GREM2: variants seen among roughly 807,000 people sequenced by gnomAD.
GREM2 encodes gremlin-2.
In GREM2, 11 loss-of-function variants were observed where a neutral mutation model predicts 14.2. That is an observed-to-expected ratio of 0.78 (90% CI 0.49 to 1.28). The LOEUF is 1.28. Ranked by LOEUF, GREM2 falls within the 50% of genes most tolerant of loss-of-function variation. The probability of loss-of-function intolerance (pLI) is 0.00; values close to 1 mark genes in which losing one functional copy is unlikely to be tolerated. For missense variants in GREM2, 210 were observed against 218.5 expected (o/e 0.96, Z 0.24); for synonymous variants, 98 against 97.6 (o/e 1.00, Z -0.02).
chr1:240,546,202 G>C (rs1678712545), intron 1 of GREM2, among the ~76,000 whole-genome samples: 1 of 152,078 alleles, frequency 6.6e-6, no homozygotes, highest in Admixed American at 6.6e-5. Context: ...AGCCAGGCAT[G>C]GTGGCACATG....
chr1:240,592,490 T>C (rs915640682), intron 1 of GREM2, among the ~76,000 whole-genome samples: 6 of 152,208 alleles, frequency 3.9e-5, no homozygotes, highest in African/African-American at 1.2e-4. Context: ...CTCCAACATT[T>C]GATATCCTCT....
intron 1 of GREM2, among the ~76,000 whole-genome samples, chr1:240,547,428 AG>A (rs1191129365): frequency 1.3e-5 from 2 of 148,404 alleles, no homozygotes; most frequent in African/African-American, 5.0e-5. Context: ...TGAACCCGGG[AG>A]GTGGAGGTTG....
chr1:240,608,361 A>G (rs575016678), intron 1 of GREM2, among the ~76,000 whole-genome samples: 1 of 152,348 alleles, frequency 6.6e-6, no homozygotes, highest in South Asian at 2.1e-4. Context: ...GAGCTGCTGG[A>G]TTTTTATTAA....
At chr1:240,562,970 A>ATG (rs1263317226) in intron 1 of GREM2, among the ~76,000 whole-genome samples, 1 of 95,336 alleles carries the variant, frequency 1.0e-5, no homozygotes, top group South Asian at 3.3e-4. Context: ...GAGTGTGTGT[A>ATG]TGTGTGTATA....
intron 1 of GREM2, among the ~76,000 whole-genome samples, chr1:240,598,590 G>A (rs1679863691): frequency 6.6e-6 from 1 of 152,210 alleles, no homozygotes; most frequent in African/African-American, 2.4e-5. Flanking sequence ...ATAGAGCTCA[G>A]GAGTTTTGCT....
intron 1 of GREM2, among the ~76,000 whole-genome samples, chr1:240,572,496 T>C (rs1679279341): frequency 6.6e-6 from 1 of 152,200 alleles, no homozygotes; most frequent in Admixed American, 6.5e-5. Context: ...TACGAAGTCT[T>C]CCCCATCTGC....
At chr1:240,547,512 A>T (rs867801207) in intron 1 of GREM2, among the ~76,000 whole-genome samples, 86 of 99,896 alleles carry the variant, frequency 8.6e-4, no homozygotes, top group African/African-American at 4.3e-3. Context: ...AAAAAAAAAA[A>T]AAATATATAT....
intron 1 of GREM2, among the ~76,000 whole-genome samples, chr1:240,518,459 T>A (rs558390050): frequency 5.1e-4 from 78 of 152,336 alleles, no homozygotes; most frequent in Non-Finnish European, 1.0e-3. Flanking sequence ...ATAAATGTAC[T>A]TGCTTTTTCT....
Position 240,493,162 on chromosome 1 carries a change from T to C in GREM2, c.314A>G (p.Tyr105Cys). 1.9e-6 allele frequency: 3 copies of C among 1,614,130 alleles called. No individual in the cohort carries two copies. Among genetic ancestry groups the C allele is most frequent in the Non-Finnish European group, 2.5e-6 (3 of 1,180,018 alleles). The change falls in exon 2 of 2, where the codon TAC (tyrosine) becomes TGC (cysteine). Residue 105 changes from tyrosine to cysteine, a missense_variant. Physicochemically the swap from Tyr to Cys is radical, Grantham distance 194. Transcript: ENST00000318160. ...CTCCTTCTTCACGTGCCGCGGGATG[T>C]AGAAGGAGTTGCACTGGCCGTAGCA... The part of the protein sequence containing the change: ...RFCYGQCNSF[Y>C]IPRHVKKEEE...
rs561923874 is a variant in GREM2 at position 240,569,957 on chromosome 1, G to T, written c.-2+41927C>A. ...TGCATTAGAAACTTATGTTGATTCT[G>T]TATTGGGCTGTTGTTTGCCTCCTGC... On this transcript the variant is annotated intron_variant, in intron 1 of 1. Coordinates refer to ENST00000318160, the MANE Select transcript of GREM2 (RefSeq NM_022469.4). Among the ~76,000 whole-genome samples the T allele has an allele frequency of 5.9e-5, 9 of 152,202 alleles. No individual in the cohort carries two copies. In the East Asian group the frequency reaches 1.7e-3, roughly 29 times the overall value.
At chr1:240,602,350 T>C (rs1462694031) in intron 1 of GREM2, among the ~76,000 whole-genome samples, 1 of 152,208 alleles carries the variant, frequency 6.6e-6, no homozygotes, top group African/African-American at 2.4e-5. Flanking sequence ...AAGTATTCTT[T>C]CTTATATGTT....
At chr1:240,511,913 C>G (rs1677842404) in intron 1 of GREM2, among the ~76,000 whole-genome samples, 1 of 152,132 alleles carries the variant, frequency 6.6e-6, no homozygotes, top group African/African-American at 2.4e-5. Context: ...TGCTGCACCC[C>G]CTCATACCCC....
intron 1 of GREM2, among the ~76,000 whole-genome samples, chr1:240,569,364 T>A: frequency 6.6e-6 from 1 of 152,116 alleles, no homozygotes; most frequent in East Asian, 1.9e-4. Flanking sequence ...AAAATTCATA[T>A]GAAAATAAAT....
chr1:240,573,234 G>C (rs1558167938), intron 1 of GREM2, among the ~76,000 whole-genome samples: 1 of 152,130 alleles, frequency 6.6e-6, no homozygotes, highest in Non-Finnish European at 1.5e-5. Flanking sequence ...AGGCCAAAGA[G>C]GGAGGATCAC....
intron 1 of GREM2, among the ~76,000 whole-genome samples, chr1:240,604,036 A>C (rs1280856152): frequency 1.3e-5 from 2 of 151,458 alleles, no homozygotes; most frequent in African/African-American, 4.9e-5. Context: ...GGTTAAGGGG[A>C]GGCAGGGGTG....
intron 1 of GREM2, among the ~76,000 whole-genome samples, chr1:240,510,325 G>A (rs769708451): frequency 7.9e-5 from 10 of 126,814 alleles, no homozygotes; most frequent in East Asian, 5.1e-4. Flanking sequence ...AGCAGAGATC[G>A]CGCCACTGCA....
intron 1 of GREM2, among the ~76,000 whole-genome samples, chr1:240,544,431 G>A (rs1678671883): frequency 6.6e-6 from 1 of 152,176 alleles, no homozygotes; most frequent in Non-Finnish European, 1.5e-5. Flanking sequence ...ACAGGCGTGA[G>A]CCACCGCGCC....
At chr1:240,591,451 G>A (rs1185088515) in intron 1 of GREM2, among the ~76,000 whole-genome samples, 1 of 152,176 alleles carries the variant, frequency 6.6e-6, no homozygotes, top group Non-Finnish European at 1.5e-5. Flanking sequence ...TGATGAAGGG[G>A]GCTGGTGTTG....
At chr1:240,562,961 A>AGTGT (rs1387311127) in intron 1 of GREM2, among the ~76,000 whole-genome samples, 2 of 77,528 alleles carry the variant, frequency 2.6e-5, no homozygotes, top group African/African-American at 1.3e-4. Context: ...TATGTGTGTG[A>AGTGT]GTGTGTGTAT....
Sources: allele counts gnomAD v4.1 joint callset (sites outside exome capture counted in the v4.1 genomes callset), GRCh38; gene constraint gnomAD v4.1.1; transcripts MANE v1.5; gene names NCBI Gene and HGNC (gene_info 2026-07-23, HGNC 2026-07-21).